Variants in STK38 observed in about 807,000 individuals in gnomAD.
STK38 encodes serine/threonine-protein kinase 38.
A neutral mutation model predicts 59.0 loss-of-function variants in STK38; 26 were observed. That is an observed-to-expected ratio of 0.44 (90% CI 0.32 to 0.61). STK38 has a LOEUF of 0.61. Among genes scored for constraint, STK38 ranks in the 20% least tolerant of loss-of-function variants. STK38 has a pLI of 0.04. For synonymous variants in STK38, 175 were observed against 176.6 expected (o/e 0.99, Z 0.07); for missense variants, 433 against 566.0 (o/e 0.76, Z 2.38).
chr6:36,539,924 T>C lies in STK38; in HGVS notation c.131+148A>G, dbSNP rs763570871. The C allele has an allele frequency of 3.7e-6, 5 of 1,340,144 alleles. No individual in the cohort carries two copies. In the African/African-American group the frequency reaches 4.4e-5, roughly 12 times the overall value. The allele number at this position is 1,340,144 out of a possible 1,614,324, so 83.0% of individuals were successfully genotyped here. The stretch of plus-strand genomic sequence containing the variant: ...CATAAGTGGGTTAATGGCAGGGACT[T>C]TGAAAAGCCCTTTCACTGTCATTCC... On this transcript the variant is annotated intron_variant, in intron 2 of 13. Coordinates refer to ENST00000229812, the MANE Select transcript of STK38 (RefSeq NM_007271.4).
intron 9 of STK38, among the ~76,000 whole-genome samples, chr6:36,504,606 GTATA>G (rs1381111661): frequency 2.0e-5 from 3 of 152,112 alleles, no homozygotes; most frequent in Admixed American, 1.3e-4. Flanking sequence ...CATTTCTACT[GTATA>G]TAGTATAAAA....
At chr6:36,497,936 T>A in intron 11 of STK38, 61 bp from the exon 12 acceptor site, 2 of 1,144,822 alleles carry the variant, frequency 1.7e-6, no homozygotes, top group Middle Eastern at 2.0e-4. Flanking sequence ...AAGAAAAACT[T>A]TCTTTTTTTT....
At chr6:36,503,698 A>C (rs1205565851) in intron 9 of STK38, among the ~76,000 whole-genome samples, 1 of 152,242 alleles carries the variant, frequency 6.6e-6, no homozygotes, top group Non-Finnish European at 1.5e-5. Flanking sequence ...GTCTACTGCC[A>C]GAGGAAAAGA....
chr6:36,545,494 T>C (rs538375921), intron 1 of STK38, among the ~76,000 whole-genome samples: 2 of 152,136 alleles, frequency 1.3e-5, no homozygotes, highest in Non-Finnish European at 2.9e-5. Flanking sequence ...CTTTTAGAGT[T>C]TCTAATATAA....
rs1481321114 is a variant in STK38, at chr6:36,521,748, G to A, written c.376C>T (p.Leu126Phe). 6.2e-7 allele frequency: 1 copy of A among 1,609,846 alleles called. No individual in the cohort carries two copies. The highest frequency in any genetic ancestry group is 1.7e-5 in the Admixed American group (1 of 59,530). Residue 126 changes from leucine to phenylalanine, a missense_variant, in exon 5 of 14, where the codon CTT (leucine) becomes TTT (phenylalanine). Leu to Phe is a conservative substitution (Grantham distance 22). Coordinates refer to ENST00000229812, the MANE Select transcript of STK38 (RefSeq NM_007271.4). ...CTGTGCTTTACCTGCTCTTTTTCAA[G>A]CATATCTGCTTTACGGAGTATTTTC... ...AMKILRKADMLEKEQVGHIRA... is the reference protein window; with the variant it reads ...AMKILRKADMFEKEQVGHIRA...
At chr6:36,544,734 TG>T (rs1778019642) in intron 1 of STK38, among the ~76,000 whole-genome samples, 1 of 151,990 alleles carries the variant, frequency 6.6e-6, no homozygotes, top group Non-Finnish European at 1.5e-5. Flanking sequence ...TGGCCAGGTG[TG>T]GTAGCACACA....
At chr6:36,534,334 A>C (rs1189186377) in intron 2 of STK38, among the ~76,000 whole-genome samples, 1 of 152,170 alleles carries the variant, frequency 6.6e-6, no homozygotes, top group Non-Finnish European at 1.5e-5. Flanking sequence ...CTCATGATAA[A>C]AATTCTTAGC....
chr6:36,520,873 G>A (rs1176919055), intron 5 of STK38, among the ~76,000 whole-genome samples: 2 of 152,174 alleles, frequency 1.3e-5, no homozygotes, highest in Admixed American at 6.5e-5. Context: ...TCAAGAGGTA[G>A]AAAGGATTGG....
intron 1 of STK38, among the ~76,000 whole-genome samples, chr6:36,542,373 G>C (rs959543789): frequency 2.6e-5 from 4 of 152,188 alleles, no homozygotes; most frequent in Non-Finnish European, 5.9e-5. Context: ...CACGATTCTA[G>C]TGGTAGAAGC....
intron 7 of STK38, 106 bp downstream of exon 7, chr6:36,515,232 C>T: frequency 1.5e-6 from 2 of 1,305,346 alleles, no homozygotes; most frequent in Non-Finnish European, 1.0e-6. Flanking sequence ...CATGACAAGG[C>T]AGGTCACAGC....
chr6:36,527,497 G>A (rs1183830043), intron 2 of STK38, among the ~76,000 whole-genome samples: 2 of 151,460 alleles, frequency 1.3e-5, no homozygotes, highest in Non-Finnish European at 2.9e-5. Context: ...AGGTTGCAGT[G>A]AGGCGAGAGC....
At chr6:36,523,270 T>G (rs915693078) in intron 4 of STK38, among the ~76,000 whole-genome samples, 10 of 150,624 alleles carry the variant, frequency 6.6e-5, no homozygotes, top group African/African-American at 2.2e-4. Context: ...TTTTTGTTTT[T>G]TTTTTTTTTT....
rs368036526 is a variant in STK38 at position 36,515,391 on chromosome 6, G to C, written c.616C>G (p.Leu206Val). ...TTGATGTCTCTGTGGATGAATCCAA[G>C]TTGGTGAATAGAGTCTATGGCTAAT... ...TVLAIDSIHQ[L>V]GFIHRDIKPD... The change falls in exon 7 of 14, where the codon CTT (leucine) becomes GTT (valine). Residue 206 changes from leucine to valine, a missense_variant. Transcript: ENST00000229812. 6.3e-5 allele frequency: 101 copies of C among 1,613,968 alleles called. No homozygotes were observed. Among genetic ancestry groups the C allele is most frequent in the Non-Finnish European group, 8.1e-5 (96 of 1,180,026 alleles).
At chr6:36,519,528 T>C (rs1386569432) in intron 5 of STK38, among the ~76,000 whole-genome samples, 1 of 152,174 alleles carries the variant, frequency 6.6e-6, no homozygotes, top group East Asian at 1.9e-4. Context: ...ATGGTGCCCA[T>C]AACATTTCCT....
At chr6:36,546,291 G>A (rs183371239) in intron 1 of STK38, among the ~76,000 whole-genome samples, 36 of 152,200 alleles carry the variant, frequency 2.4e-4, no homozygotes, top group Non-Finnish European at 1.2e-4. Context: ...GGGGGATAGG[G>A]CTGGGACATG....
intron 2 of STK38, among the ~76,000 whole-genome samples, chr6:36,528,782 G>A (rs1054623220): frequency 6.6e-6 from 1 of 152,172 alleles, no homozygotes; most frequent in Non-Finnish European, 1.5e-5. Flanking sequence ...ACCATCATAC[G>A]TCCTGACTAC....
At chr6:36,540,638 CT>C (rs1413875726) in intron 1 of STK38, among the ~76,000 whole-genome samples, 11 of 151,238 alleles carry the variant, frequency 7.3e-5, no homozygotes, top group Admixed American at 2.6e-4. Context: ...CTTTTTTTTT[CT>C]TTTTGAGATG....
At chr6:36,539,933 C>T (rs1028340216) in intron 2 of STK38, 139 bp downstream of exon 2, 6 of 1,380,362 alleles carry the variant, frequency 4.3e-6, no homozygotes, top group South Asian at 1.5e-5. Context: ...TTTGAAAAGC[C>T]CTTTCACTGT....
intron 1 of STK38, among the ~76,000 whole-genome samples, chr6:36,540,460 C>CAGGATGTTCAGCACAGAG (rs1357837202): frequency 6.6e-6 from 1 of 152,146 alleles, no homozygotes; most frequent in East Asian, 1.9e-4. Flanking sequence ...GTGACATACA[C>CAGGATGTTCAGCACAGAG]AGGATGTTCA....
Sources: allele counts gnomAD v4.1 joint callset (sites outside exome capture counted in the v4.1 genomes callset), GRCh38; gene constraint gnomAD v4.1.1; transcripts MANE v1.5; gene names NCBI Gene and HGNC (gene_info 2026-07-23, HGNC 2026-07-21).